Variants in SIGIRR observed in about 807,000 individuals in gnomAD.
SIGIRR encodes the protein single Ig IL-1-related receptor.
Under a neutral mutation model 45.6 loss-of-function variants are expected in SIGIRR, and 41 were observed. The observed-to-expected ratio is 0.90, with a 90% CI of 0.70 to 1.17. The LOEUF (loss-of-function observed/expected upper bound fraction) is 1.17, where lower values mean the gene tolerates loss of function less well. Ranked by LOEUF, SIGIRR falls within the 50% of genes most tolerant of loss-of-function variation. The pLI is 0.00. For missense variants in SIGIRR, 599 were observed against 539.6 expected (o/e 1.11, Z -1.09); for synonymous variants, 298 against 239.0 (o/e 1.25, Z -2.28).
intron 6 of SIGIRR, 64 bp downstream of exon 6, chr11:407,361 G>C (rs1259676852): frequency 8.3e-7 from 1 of 1,209,780 alleles, no homozygotes; most frequent in Non-Finnish European, 1.1e-6. Context: ...GGGTGGGACG[G>C]AGCATGGGGC....
At chr11:413,301 G>A (rs1232083058) in intron 1 of SIGIRR, among the ~76,000 whole-genome samples, 1 of 152,086 alleles carries the variant, frequency 6.6e-6, no homozygotes, top group East Asian at 1.9e-4. Flanking sequence ...TACAGCATGA[G>A]GCACACACCC....
At chr11:411,712 C>A (rs1287540580) in intron 1 of SIGIRR, among the ~76,000 whole-genome samples, 1 of 19,164 alleles carries the variant, frequency 5.2e-5, no homozygotes, top group Non-Finnish European at 9.7e-5. Flanking sequence ...TGGATACAGT[C>A]GGTGGGGGGG....
At chr11:413,470 G>C (rs972063197) in intron 1 of SIGIRR, among the ~76,000 whole-genome samples, 10 of 152,076 alleles carry the variant, frequency 6.6e-5, no homozygotes, top group Admixed American at 2.0e-4. Flanking sequence ...CACACCGCCA[G>C]CCCAGCAGAA....
In SIGIRR at chr11:410,024, G is replaced by A; in HGVS notation, c.-150C>T. The A allele has an allele frequency of 4.8e-6, 6 of 1,239,798 alleles. No homozygotes were observed. Among genetic ancestry groups the A allele is most frequent in the Non-Finnish European group, 6.0e-6 (6 of 992,372 alleles). 76.8% of individuals were successfully genotyped at this position (1,239,798 alleles called of 1,614,324 possible). On this transcript the variant is annotated 5_prime_UTR_variant, in exon 2 of 10. Transcript: ENST00000431843. ...CTGGACAGGGCACCTGGACAGGTCA[G>A]AGGCTGCCGCCATCCCCAGGGAACA...
In SIGIRR at chr11:407,012, A is replaced by AG; in HGVS notation, c.729-20dup. The AG allele has an allele frequency of 6.3e-7, 1 of 1,587,458 alleles. No individual in the cohort carries two copies. ...GCCCTCCCTGCGGGGCGGGACCGTC[A>AG]GGGGGGTGGGTGCTACGCTGGGGCC... is the stretch of plus-strand genomic sequence containing the variant. On this transcript the variant is annotated intron_variant, in intron 7 of 9. Coordinates refer to ENST00000431843, the MANE Select transcript of SIGIRR (RefSeq NM_001135054.2).
chr11:407,120 G>GCCT lies in SIGIRR; in HGVS notation c.669_670insAGG (p.Arg223dup). On this transcript the variant is annotated inframe_insertion, in exon 7 of 10. Coordinates refer to ENST00000431843, the MANE Select transcript of SIGIRR (RefSeq NM_001135054.2). ...AAGGCGTCCGAAAGCACCACGATGA[G>GCCT]GCGTCGGCAGCGGCTCAGGTTCACC... is the stretch of plus-strand genomic sequence containing the variant. 4 of 1,536,216 alleles carry GCCT rather than the reference G, an allele frequency of 2.6e-6. No individual in the cohort carries two copies. The highest frequency in any genetic ancestry group is 1.9e-5 in the Admixed American group (1 of 51,876).
Position 405,824 on chromosome 11 carries a change from C to G in SIGIRR, c.*72G>C. 2 of 1,494,964 alleles carry G rather than the reference C, an allele frequency of 1.3e-6. No homozygotes were observed. Among genetic ancestry groups the G allele is most frequent in the African/African-American group, 2.8e-5 (2 of 72,098 alleles). 92.6% of individuals were successfully genotyped at this position (1,494,964 alleles called of 1,614,324 possible). A position where few individuals can be genotyped will look rare whatever the true frequency, so the allele number is the denominator to read the frequency against. On this transcript the variant is annotated 3_prime_UTR_variant, in exon 10 of 10. Transcript: ENST00000431843. ...AGGGCTGCTGGCAGGGGTTGTGGTC[C>G]TGTTGAGCAGAGGAGCGACGCCGCT...
Position 407,901 on chromosome 11 carries a change from G to A in SIGIRR, c.397C>T (p.Leu133=), listed in dbSNP as rs767862391. 6.2e-7 allele frequency: 1 copy of A among 1,612,346 alleles called. No homozygotes were observed. The highest frequency in any genetic ancestry group is 1.1e-5 in the South Asian group (1 of 91,052). ...TTGACATAGAGCAGGGCGGCCAGCAGCAGGGCCAGCAGGACCAGGAGGGAG... is the reference window on the plus strand; with the variant it reads ...TTGACATAGAGCAGGGCGGCCAGCAACAGGGCCAGCAGGACCAGGAGGGAG... The part of the protein sequence containing the change: ...LASLLVLLAL[L]LAALLYVKCR... Residue 133 remains leucine (L), a synonymous_variant, in exon 5 of 10, where the codon CTG becomes TTG. Coordinates refer to ENST00000431843, the MANE Select transcript of SIGIRR (RefSeq NM_001135054.2).
rs755530713 is a variant in SIGIRR at position 409,876 on chromosome 11, G to A, written c.-2C>T. On this transcript the variant is annotated 5_prime_UTR_variant, in exon 2 of 10. Coordinates refer to ENST00000431843, the MANE Select transcript of SIGIRR (RefSeq NM_001135054.2). The stretch of plus-strand genomic sequence containing the variant: ...CTCTCTGACCTGCCTACCTGGCATG[G>A]CTCTGAGCCGGGGCCTCCTCGGGGC... 2 of 1,326,426 alleles carry A rather than the reference G, an allele frequency of 1.5e-6. No individual in the cohort carries two copies. Among genetic ancestry groups the A allele is most frequent in the Non-Finnish European group, 1.9e-6 (2 of 1,031,420 alleles). The allele number at this position is 1,326,426 out of a possible 1,614,324, so 82.2% of individuals were successfully genotyped here.
intron 1 of SIGIRR, 82 bp from the exon 2 acceptor site, chr11:410,109 T>C (rs955820436): frequency 1.7e-6 from 2 of 1,182,440 alleles, no homozygotes; most frequent in Admixed American, 3.9e-5. Flanking sequence ...GCACTGGCCC[T>C]GACCAGATGC....
At chr11:416,105 G>A (rs1847873064), upstream of SIGIRR, among the ~76,000 whole-genome samples, 1 of 152,122 alleles carries the variant, frequency 6.6e-6, no homozygotes, top group Non-Finnish European at 1.5e-5. This position sits in a 1 kb window ranked among gnomAD's most constrained non-coding sequence, Gnocchi z 9.1. Context: ...ACAGAGCCTG[G>A]TACCAGCCCC....
Position 409,189 on chromosome 11 carries a change from A to G in SIGIRR, c.8-296T>C. On this transcript the variant is annotated intron_variant, in intron 2 of 9. Coordinates refer to ENST00000431843, the MANE Select transcript of SIGIRR (RefSeq NM_001135054.2). ...TGGCTGCTTGTCCACCCAGGATGTG[A>G]GTCCAGCCCCCCATTTCCCAGATGC... 3 of 500,792 alleles carry G rather than the reference A, an allele frequency of 6.0e-6. 1 individual carries two copies. The highest frequency in any genetic ancestry group is 5.9e-5 in the South Asian group (3 of 50,934). 31.0% of individuals were successfully genotyped at this position (500,792 alleles called of 1,614,324 possible). A position where few individuals can be genotyped will look rare whatever the true frequency, so the allele number is the denominator to read the frequency against.
intron 1 of SIGIRR, among the ~76,000 whole-genome samples, chr11:413,854 T>C (rs1590392840): frequency 4.4e-5 from 2 of 45,448 alleles, no homozygotes; most frequent in Admixed American, 2.6e-4. Context: ...CCCTGAACCC[T>C]CTCCTCTGCC....
intron 9 of SIGIRR, 53 bp downstream of exon 9, chr11:406,296 C>T: frequency 6.3e-7 from 1 of 1,588,072 alleles, no homozygotes; most frequent in Non-Finnish European, 8.6e-7. Context: ...CCTGCCCCCA[C>T]TCCGCCCTGT....
chr11:412,982 C>A (rs1847740924), intron 1 of SIGIRR, among the ~76,000 whole-genome samples: 1 of 152,118 alleles, frequency 6.6e-6, no homozygotes, highest in African/African-American at 2.4e-5. Context: ...AGGGAGAAGC[C>A]CAGAGCCTCT....
At chr11:413,780 C>T (rs1383267925) in intron 1 of SIGIRR, among the ~76,000 whole-genome samples, 1 of 134,458 alleles carries the variant, frequency 7.4e-6, no homozygotes, top group African/African-American at 2.9e-5. Flanking sequence ...TCTCCTCTGC[C>T]TGCCTCCCCC....
chr11:406,194 C>T (rs1293521924), intron 9 of SIGIRR, 135 bp from the exon 10 acceptor site: 9 of 1,537,738 alleles, frequency 5.9e-6, no homozygotes, highest in African/African-American at 1.4e-5. Context: ...AGACCGAGGG[C>T]CGAGCACCTC....
At position 405,875 on chromosome 11, in the gene SIGIRR, T is replaced by C. The variant is rs1228097368; in HGVS notation, c.*21A>G. The stretch of plus-strand genomic sequence containing the variant: ...GCCCTGGCCCCCGCTGTCCCTATGA[T>C]CCTGCACTCTGGGGTGGGAGCTACA... On this transcript the variant is annotated 3_prime_UTR_variant, in exon 10 of 10. Transcript: ENST00000431843. 6.3e-7 allele frequency: 1 copy of C among 1,578,246 alleles called. No homozygotes were observed. Among genetic ancestry groups the C allele is most frequent in the South Asian group, 1.2e-5 (1 of 86,138 alleles).
At chr11:411,808 C>T (rs1487854389) in intron 1 of SIGIRR, among the ~76,000 whole-genome samples, 9 of 12,136 alleles carry the variant, frequency 7.4e-4, no homozygotes, top group African/African-American at 2.1e-3. Flanking sequence ...CGGGGGGTGC[C>T]CAGCTCTGAC....
Sources: gnomAD v4.1 joint callset for allele counts (sites outside exome capture counted in the v4.1 genomes callset) on GRCh38, gnomAD v4.1.1 for gene constraint, Gnocchi (gnomAD v3.1) non-coding constraint, MANE v1.5 for transcripts, NCBI Gene and HGNC (gene_info 2026-07-23, HGNC 2026-07-21) for gene names.